The following POU2F1 variants were observed in gnomAD, a reference collection of about 807,000 sequenced individuals.
POU2F1 encodes the protein POU class 2 homeobox 1.
POU2F1 carries 16 observed loss-of-function variants against 84.9 expected under a neutral mutation model. The ratio of observed to expected loss-of-function variants is 0.19; its 90% CI spans 0.13 to 0.29. The LOEUF (loss-of-function observed/expected upper bound fraction) is 0.29, where lower values mean the gene tolerates loss of function less well. POU2F1 is among the 10% of genes least tolerant of loss of function. The pLI is 1.00. For missense variants in POU2F1, 738 were observed against 942.6 expected (o/e 0.78, Z 2.84); for synonymous variants, 368 against 368.3 (o/e 1.00, Z 0.01).
chr1:167,362,163 T>C (rs1659393496), intron 2 of POU2F1, among the ~76,000 whole-genome samples: 1 of 152,246 alleles, frequency 6.6e-6, no homozygotes, highest in South Asian at 2.1e-4. Flanking sequence ...ACAAGAATGA[T>C]TTCCATGTAA....
intron 1 of POU2F1, among the ~76,000 whole-genome samples, chr1:167,262,817 A>G (rs929818496): frequency 3.3e-5 from 5 of 152,194 alleles, no homozygotes; most frequent in Admixed American, 2.0e-4. Context: ...AAAGAAAAAA[A>G]CAGTGTGAAG....
intron 8 of POU2F1, 52 bp downstream of exon 8, chr1:167,384,003 A>G (rs1647767831): frequency 7.1e-7 from 1 of 1,406,362 alleles, no homozygotes; most frequent in South Asian, 1.3e-5. Context: ...GTTTGGGGAG[A>G]CTTTTGGACT....
At chr1:167,247,742 A>G (rs1650441363) in intron 1 of POU2F1, among the ~76,000 whole-genome samples, 1 of 152,212 alleles carries the variant, frequency 6.6e-6, no homozygotes, top group Non-Finnish European at 1.5e-5. Flanking sequence ...TGGAAAAGAC[A>G]AACCTAGCTT....
chr1:167,366,185 A>G (rs1018788253), intron 3 of POU2F1, among the ~76,000 whole-genome samples: 2 of 152,224 alleles, frequency 1.3e-5, no homozygotes, highest in African/African-American at 2.4e-5. Context: ...TGGCTACTCA[A>G]TAGTTTTGGA....
At chr1:167,317,793 A>G (rs1390335705) in intron 1 of POU2F1, among the ~76,000 whole-genome samples, 1 of 152,140 alleles carries the variant, frequency 6.6e-6, no homozygotes, top group Non-Finnish European at 1.5e-5. Flanking sequence ...GATTTTGTTG[A>G]TGGCCATTTT....
intron 1 of POU2F1, among the ~76,000 whole-genome samples, chr1:167,267,606 G>A (rs1442409405): frequency 7.6e-6 from 1 of 132,428 alleles, no homozygotes; most frequent in Non-Finnish European, 1.6e-5. Flanking sequence ...ATTCTTCATT[G>A]TGAAAGTATC....
At chr1:167,278,137 C>G (rs140123151) in intron 1 of POU2F1, among the ~76,000 whole-genome samples, 1 of 152,166 alleles carries the variant, frequency 6.6e-6, no homozygotes, top group East Asian at 1.9e-4. Flanking sequence ...TTTTCAAACC[C>G]TCTGCACTTG....
At chr1:167,240,474 T>G (rs1032538619) in intron 1 of POU2F1, among the ~76,000 whole-genome samples, 2 of 152,166 alleles carry the variant, frequency 1.3e-5, no homozygotes, top group African/African-American at 4.8e-5. Context: ...TTTACTACTT[T>G]AAAGGTGGAA....
chr1:167,251,673 G>T (rs1428292504), intron 1 of POU2F1, among the ~76,000 whole-genome samples: 1 of 152,080 alleles, frequency 6.6e-6, no homozygotes. Context: ...TGGTCTGACA[G>T]GCTGATCTTG....
chr1:167,229,174 T>TA (rs397736606), intron 1 of POU2F1, among the ~76,000 whole-genome samples: 2 of 151,324 alleles, frequency 1.3e-5, no homozygotes, highest in South Asian at 2.1e-4. Flanking sequence ...TTTTTTTTTT[T>TA]AATTTTTTTT....
At chr1:167,354,944 A>G (rs185936113) in intron 2 of POU2F1, among the ~76,000 whole-genome samples, 1 of 152,206 alleles carries the variant, frequency 6.6e-6, no homozygotes, top group East Asian at 1.9e-4. Flanking sequence ...TGTTGTTTGT[A>G]TGGATTGTAA....
intron 1 of POU2F1, among the ~76,000 whole-genome samples, chr1:167,290,025 T>C (rs1653804050): frequency 6.6e-6 from 1 of 152,348 alleles, no homozygotes; most frequent in Admixed American, 6.5e-5. Flanking sequence ...TTAGTTCATT[T>C]TCTTTGTAAT....
At position 167,224,346 on chromosome 1, in the gene POU2F1, G is replaced by A. The variant is rs532226854; in HGVS notation, c.61+3388G>A. Among the ~76,000 whole-genome samples, 3 of 152,282 alleles carry A rather than the reference G, an allele frequency of 2.0e-5. No individual in the cohort carries two copies. In the East Asian group the frequency reaches 5.8e-4, roughly 29 times the overall value. On this transcript the variant is annotated intron_variant, in intron 1 of 15. Coordinates refer to ENST00000367866, the MANE Select transcript of POU2F1 (RefSeq NM_002697.4). ...CATTTGCCTTAGAATCCATTTCAGT[G>A]AATAAAGCAGAGTTGAGAATGAGGG...
intron 1 of POU2F1, among the ~76,000 whole-genome samples, chr1:167,302,151 AACCTCC>A (rs1251955939): frequency 1.3e-5 from 2 of 151,748 alleles, no homozygotes; most frequent in East Asian, 3.9e-4. Flanking sequence ...GGCTTACTGC[AACCTCC>A]ACCTCCTGGG....
chr1:167,398,035 C>A lies in POU2F1; in HGVS notation c.1171C>A (p.Leu391Met). Residue 391 changes from leucine (L) to methionine (M), a missense_variant, in exon 11 of 16, where the codon CTG (leucine) becomes ATG (methionine). Physicochemically the swap from Leu to Met is conservative, Grantham distance 15 (BLOSUM62 2). This residue lies in a region of POU2F1 where 95 missense variants were observed against 195.1 expected (regional missense o/e 0.49). Transcript: ENST00000367866. ...TTCGTCCCTCTCCAGCCCAAGTGCC[C>A]TGAATTCTCCAGGAATTGAGGGCTT... ...SDSSLSSPSA[L>M]NSPGIEGLSR... The A allele has an allele frequency of 6.2e-7, 1 of 1,614,052 alleles. No individual in the cohort carries two copies. Among genetic ancestry groups the A allele is most frequent in the South Asian group, 1.1e-5 (1 of 91,082 alleles).
At chr1:167,331,455 A>G (rs1456444479) in intron 1 of POU2F1, among the ~76,000 whole-genome samples, 1 of 152,104 alleles carries the variant, frequency 6.6e-6, no homozygotes, top group Non-Finnish European at 1.5e-5. Flanking sequence ...TTCTCTGTTA[A>G]TAACTAAAGT....
chr1:167,271,963 A>C (rs1037107833), intron 1 of POU2F1, among the ~76,000 whole-genome samples: 2 of 152,212 alleles, frequency 1.3e-5, no homozygotes, highest in Non-Finnish European at 2.9e-5. Context: ...TTTTATTGGG[A>C]TATAACCATA....
At position 167,400,264 on chromosome 1, in the gene POU2F1, G is replaced by A. The variant is rs375953171; in HGVS notation, c.1449+899G>A. On this transcript the variant is annotated intron_variant, in intron 12 of 15. Coordinates refer to ENST00000367866, the MANE Select transcript of POU2F1 (RefSeq NM_002697.4). ...CAGCCTCCCAAAGTCCCAACGTGCT[G>A]GGATTACAGGTGTGAGCCACTGCGC... Among the ~76,000 whole-genome samples, 14 of 152,156 alleles carry A rather than the reference G, an allele frequency of 9.2e-5. No homozygotes were observed. In the South Asian group the frequency reaches 2.9e-3, roughly 32 times the overall value.
At chr1:167,267,226 GA>G (rs1052398709) in intron 1 of POU2F1, among the ~76,000 whole-genome samples, 28 of 142,706 alleles carry the variant, frequency 2.0e-4, no homozygotes, top group South Asian at 8.9e-4. Flanking sequence ...CTGTAAAAAG[GA>G]AAAAAAAAAC....
Sources: gnomAD v4.1 joint callset for allele counts (sites outside exome capture counted in the v4.1 genomes callset) on GRCh38, gnomAD v4.1.1 for gene constraint, gnomAD v4.1.1 regional missense constraint, MANE v1.5 for transcripts, NCBI Gene and HGNC (gene_info 2026-07-23, HGNC 2026-07-21) for gene names.